SLC39A11: variants seen among roughly 807,000 people sequenced by gnomAD.
SLC39A11 encodes solute carrier family 39 member 11.
A neutral mutation model predicts 36.1 loss-of-function variants in SLC39A11; 33 were observed. The ratio of observed to expected loss-of-function variants is 0.91; its 90% CI spans 0.69 to 1.22. The LOEUF (loss-of-function observed/expected upper bound fraction) is 1.22. Among genes scored for constraint, SLC39A11 ranks in the 50% most tolerant of loss-of-function variants. SLC39A11 has a pLI of 0.00. For missense variants in SLC39A11, 432 were observed against 430.3 expected (o/e 1.00, Z -0.03); for synonymous variants, 166 against 170.3 (o/e 0.97, Z 0.20).
At chr17:73,085,072 C>T (rs530839945) in intron 2 of SLC39A11, among the ~76,000 whole-genome samples, 40 of 152,288 alleles carry the variant, frequency 2.6e-4, no homozygotes, top group African/African-American at 9.6e-4. Flanking sequence ...TCAAGTGGTG[C>T]TTGGCTTGTC....
chr17:72,723,176 G>A (rs1316837729), intron 7 of SLC39A11, among the ~76,000 whole-genome samples: 1 of 152,126 alleles, frequency 6.6e-6, no homozygotes, highest in African/African-American at 2.4e-5. Flanking sequence ...AGTAAGGGCC[G>A]AGTGCTCAGT....
chr17:73,019,258 G>C (rs1317351200), intron 4 of SLC39A11, among the ~76,000 whole-genome samples: 1 of 152,158 alleles, frequency 6.6e-6, no homozygotes, highest in African/African-American at 2.4e-5. Flanking sequence ...CTGAAAAGCA[G>C]TGAAAATGAA....
chr17:72,846,012 CTCTCTCTTTTTTTTTTTTTTTTT>C (rs1204203524), intron 6 of SLC39A11, among the ~76,000 whole-genome samples: 87 of 103,456 alleles, frequency 8.4e-4, no homozygotes, highest in African/African-American at 3.1e-3. Context: ...CTCTCTCTCT[CTCTCTCTTTTTTTTTTTTTTTTT>C]TTTTTTTTTT....
intron 7 of SLC39A11, among the ~76,000 whole-genome samples, chr17:72,669,961 T>C (rs529632562): frequency 1.3e-5 from 2 of 149,276 alleles, no homozygotes; most frequent in African/African-American, 5.0e-5. Flanking sequence ...CACATATATA[T>C]ACGTATAGAT....
intron 4 of SLC39A11, among the ~76,000 whole-genome samples, chr17:73,027,831 T>G (rs889934759): frequency 6.6e-6 from 1 of 152,232 alleles, no homozygotes; most frequent in African/African-American, 2.4e-5. Context: ...AGGGCACTGC[T>G]GCAGAATCCT....
At chr17:72,779,583 AC>A (rs2076242199) in intron 6 of SLC39A11, among the ~76,000 whole-genome samples, 1 of 152,170 alleles carries the variant, frequency 6.6e-6, no homozygotes, top group Non-Finnish European at 1.5e-5. Flanking sequence ...GACCGTGCTA[AC>A]CCATCGCTCT....
chr17:72,853,533 C>T (rs1439203968), intron 5 of SLC39A11, among the ~76,000 whole-genome samples: 1 of 151,924 alleles, frequency 6.6e-6, no homozygotes, highest in Non-Finnish European at 1.5e-5. Flanking sequence ...CAAATTCTAG[C>T]GTTCTGCTTG....
At chr17:72,955,324 A>G (rs8067934) in intron 4 of SLC39A11, among the ~76,000 whole-genome samples, 378 of 13,968 alleles carry the variant, frequency 0.027, 3 homozygotes, top group African/African-American at 0.078. Context: ...TTTTTGTTTG[A>G]GACTTTCTTG....
chr17:73,032,964 G>A (rs556962859), intron 3 of SLC39A11, among the ~76,000 whole-genome samples: 3 of 152,282 alleles, frequency 2.0e-5, no homozygotes, highest in African/African-American at 7.2e-5. Context: ...CAGGCCAGCG[G>A]TCCCCAATCC....
At chr17:73,034,664 G>GA (rs1182426745) in intron 3 of SLC39A11, among the ~76,000 whole-genome samples, 1 of 152,136 alleles carries the variant, frequency 6.6e-6, no homozygotes, top group African/African-American at 2.4e-5. Context: ...GCACTCCGAT[G>GA]AAAAAACATA....
intron 7 of SLC39A11, among the ~76,000 whole-genome samples, chr17:72,735,738 T>C (rs141686583): frequency 6.6e-6 from 1 of 152,284 alleles, no homozygotes; most frequent in African/African-American, 2.4e-5. Context: ...GAAGGCTCCA[T>C]CCTGCAGAGT....
chr17:73,043,432 A>G (rs1448394477), intron 3 of SLC39A11, among the ~76,000 whole-genome samples: 1 of 152,164 alleles, frequency 6.6e-6, no homozygotes, highest in Non-Finnish European at 1.5e-5. Flanking sequence ...TACAGATGTC[A>G]GCTCCCCTCC....
chr17:72,999,978 C>CTCA (rs1337489170), intron 4 of SLC39A11, among the ~76,000 whole-genome samples: 1 of 151,996 alleles, frequency 6.6e-6, no homozygotes, highest in Non-Finnish European at 1.5e-5. Flanking sequence ...CTGAGCTCAG[C>CTCA]TCATCCACCC....
intron 6 of SLC39A11, among the ~76,000 whole-genome samples, chr17:72,838,813 G>A (rs4793492): frequency 0.44 from 66,772 of 151,910 alleles, 15,372 homozygotes; most frequent in Non-Finnish European, 0.5. Context: ...AGCCACAAAC[G>A]TCTGTCACTG....
chr17:72,693,539 C>T (rs1387960520), intron 7 of SLC39A11, among the ~76,000 whole-genome samples: 1 of 152,188 alleles, frequency 6.6e-6, no homozygotes, highest in East Asian at 1.9e-4. Context: ...CTTGGGCGGT[C>T]GCACAATAGT....
intron 6 of SLC39A11, among the ~76,000 whole-genome samples, chr17:72,822,497 G>T (rs572389860): frequency 6.6e-6 from 1 of 151,008 alleles, no homozygotes; most frequent in East Asian, 1.9e-4. Context: ...GGTCTGGAGG[G>T]CCTATGCCCT....
chr17:72,786,009 T>A (rs1271549037), intron 6 of SLC39A11, among the ~76,000 whole-genome samples: 1 of 152,208 alleles, frequency 6.6e-6, no homozygotes, highest in Non-Finnish European at 1.5e-5. Context: ...CCTTGACAGA[T>A]GAGATTCCCT....
chr17:72,741,864 G>A (rs16977364), intron 6 of SLC39A11, among the ~76,000 whole-genome samples: 3,290 of 151,906 alleles, frequency 0.022, 116 homozygotes, highest in African/African-American at 0.075. Flanking sequence ...ATATTTTAAG[G>A]TTTGCCTGAT....
intron 6 of SLC39A11, among the ~76,000 whole-genome samples, chr17:72,819,236 G>C (rs534981542): frequency 3.7e-4 from 56 of 151,358 alleles, no homozygotes; most frequent in African/African-American, 1.2e-3. Context: ...GGGGAAATTT[G>C]AGCACAGAAT....
Sources: allele counts gnomAD v4.1 joint callset (sites outside exome capture counted in the v4.1 genomes callset), GRCh38; gene constraint gnomAD v4.1.1; transcripts MANE v1.5; gene names NCBI Gene and HGNC (gene_info 2026-07-23, HGNC 2026-07-21).